The following AUTS2 variants were observed in gnomAD, a reference collection of about 807,000 sequenced individuals.
AUTS2 encodes activator of transcription and developmental regulator AUTS2, also known as autism susceptibility gene 2 protein.
In AUTS2, 17 loss-of-function variants were observed where a neutral mutation model predicts 112.4. The ratio of observed to expected loss-of-function variants is 0.15; its 90% CI spans 0.10 to 0.23. AUTS2 has a LOEUF of 0.23. Ranked by LOEUF, AUTS2 falls within the 10% of genes least tolerant of loss-of-function variation. The pLI, the probability that AUTS2 is intolerant of heterozygous loss-of-function variation, is 1.00. For synonymous variants in AUTS2, 751 were observed against 702.7 expected (o/e 1.07, Z -1.09); for missense variants, 1,510 against 1,701.6 (o/e 0.89, Z 1.98).
intron 10 of AUTS2, among the ~76,000 whole-genome samples, chr7:70,769,082 G>T (rs1288835608): frequency 6.6e-6 from 1 of 152,084 alleles, no homozygotes; most frequent in African/African-American, 2.4e-5. Flanking sequence ...CAAGAGGTTA[G>T]CTGAGAAGTC....
At chr7:69,941,579 A>AT (rs56227016) in intron 2 of AUTS2, among the ~76,000 whole-genome samples, 5,018 of 139,104 alleles carry the variant, frequency 0.036, 187 homozygotes, top group African/African-American at 0.099. Flanking sequence ...GACCTTCTAG[A>AT]TTTTTTTTTT....
At chr7:70,290,050 C>T (rs1055540980) in intron 4 of AUTS2, among the ~76,000 whole-genome samples, 13 of 152,006 alleles carry the variant, frequency 8.6e-5, no homozygotes, top group Admixed American at 2.0e-4. Flanking sequence ...TAAACTAAGA[C>T]GAGATTTCAG....
chr7:70,475,686 C>T (rs1376032427), intron 5 of AUTS2, among the ~76,000 whole-genome samples: 1 of 152,196 alleles, frequency 6.6e-6, no homozygotes, highest in Non-Finnish European at 1.5e-5. Flanking sequence ...ATAAATGAGA[C>T]ATCCTGCCCT....
intron 1 of AUTS2, among the ~76,000 whole-genome samples, chr7:69,728,496 CT>C (rs1458466252): frequency 1.3e-5 from 2 of 152,070 alleles, no homozygotes; most frequent in Non-Finnish European, 2.9e-5. Flanking sequence ...TTTTTTCTGT[CT>C]TTTTAATGTA....
At chr7:70,733,673 G>A (rs1298312412) in intron 6 of AUTS2, among the ~76,000 whole-genome samples, 6 of 151,964 alleles carry the variant, frequency 3.9e-5, no homozygotes, top group Admixed American at 6.6e-5. Context: ...TGCAACCTCC[G>A]CCTCCAGGGT....
intron 11 of AUTS2, 46 bp downstream of exon 11, chr7:70,771,690 C>T (rs556754247): frequency 6.4e-7 from 1 of 1,556,450 alleles, no homozygotes; most frequent in Non-Finnish European, 8.8e-7. Flanking sequence ...GTCTAAGTGG[C>T]GTCCCGGGCC....
intron 4 of AUTS2, among the ~76,000 whole-genome samples, chr7:70,396,632 T>A (rs1794096151): frequency 6.6e-6 from 1 of 152,176 alleles, no homozygotes; most frequent in Non-Finnish European, 1.5e-5. Context: ...CCACCTCAGA[T>A]GCCCAAAGTG....
intron 2 of AUTS2, among the ~76,000 whole-genome samples, chr7:70,003,172 TTATATGAATATATTA>T (rs1272283802): frequency 0.028 from 3,482 of 126,602 alleles, 168 homozygotes; most frequent in African/African-American, 0.057. Flanking sequence ...TTCATATATA[TTATATGAATATATTA>T]TATATGAATA....
At chr7:70,547,001 A>G (rs2129515931) in intron 5 of AUTS2, among the ~76,000 whole-genome samples, 1 of 152,318 alleles carries the variant, frequency 6.6e-6, no homozygotes, top group Non-Finnish European at 1.5e-5. Flanking sequence ...ACTTTATTCA[A>G]ATATAATCTA....
intron 2 of AUTS2, among the ~76,000 whole-genome samples, chr7:70,113,808 A>G (rs12698852): frequency 0.1 from 15,527 of 152,240 alleles, 848 homozygotes; most frequent in Admixed American, 0.13. Context: ...TCCAAGCTGA[A>G]AAGAATGGGA....
At chr7:69,680,443 T>A (rs569962517) in intron 1 of AUTS2, among the ~76,000 whole-genome samples, 6 of 152,070 alleles carry the variant, frequency 3.9e-5, no homozygotes, top group Admixed American at 3.9e-4. Flanking sequence ...TTGTTGTTTT[T>A]TATTGTGTTA....
intron 4 of AUTS2, chr7:70,194,538 G>A (rs1299975095): frequency 1.3e-5 from 2 of 152,148 alleles, no homozygotes; most frequent in Non-Finnish European, 2.9e-5. Flanking sequence ...CAGGAGTATT[G>A]GCCAGAGTTA....
chr7:70,383,526 A>G (rs1182347319), intron 4 of AUTS2, among the ~76,000 whole-genome samples: 1 of 152,236 alleles, frequency 6.6e-6, no homozygotes, highest in African/African-American at 2.4e-5. Flanking sequence ...CATTCATCAT[A>G]GCTTCTATCT....
intron 1 of AUTS2, among the ~76,000 whole-genome samples, chr7:69,778,794 G>A (rs1789011311): frequency 6.6e-6 from 1 of 152,110 alleles, no homozygotes; most frequent in Non-Finnish European, 1.5e-5. Flanking sequence ...GAGTGGGACT[G>A]AGGTGTGGGT....
chr7:69,911,223 A>G (rs543955616), intron 2 of AUTS2, among the ~76,000 whole-genome samples: 2 of 152,248 alleles, frequency 1.3e-5, no homozygotes, highest in African/African-American at 2.4e-5. Context: ...GTGGCTGGAC[A>G]AGATGTACTG....
Position 70,790,188 on chromosome 7 carries a change from A to C in AUTS2, c.2972A>C (p.Asp991Ala), listed in dbSNP as rs943242452. 2.7e-5 allele frequency: 44 copies of C among 1,612,066 alleles called. No homozygotes were observed. The highest frequency in any genetic ancestry group is 3.6e-5 in the Non-Finnish European group (43 of 1,179,696). The change falls in exon 19 of 19, where the codon GAC becomes GCC. Residue 991 changes from aspartate (D) to alanine (A), a missense_variant. Transcript: ENST00000342771. This position sits in a 1 kb window ranked among gnomAD's most constrained non-coding sequence, Gnocchi z 7.6. Reference protein sequence around the residue: ...KVKEERKEDHDLPPEAPQTHR... With the variant: ...KVKEERKEDHALPPEAPQTHR... The stretch of plus-strand genomic sequence containing the variant: ...AAGGAGGAGCGGAAGGAAGACCATG[A>C]CCTGCCTCCAGAGGCCCCGCAGACC...
intron 6 of AUTS2, among the ~76,000 whole-genome samples, chr7:70,714,148 C>T (rs73165373): frequency 0.11 from 16,343 of 152,176 alleles, 1,459 homozygotes; most frequent in East Asian, 0.44. Flanking sequence ...GAAATTGACA[C>T]ATGAAAGTGA....
At chr7:70,103,465 C>T (rs1377485770) in intron 2 of AUTS2, among the ~76,000 whole-genome samples, 2 of 152,012 alleles carry the variant, frequency 1.3e-5, no homozygotes, top group African/African-American at 4.8e-5. Flanking sequence ...CTAGGCTCAG[C>T]TTACCACCCA....
chr7:70,722,819 A>T (rs1290947089), intron 6 of AUTS2, among the ~76,000 whole-genome samples: 2 of 152,208 alleles, frequency 1.3e-5, no homozygotes, highest in African/African-American at 4.8e-5. Context: ...TGTATTTCAG[A>T]TTCAAACTGT....
Sources: gnomAD v4.1 joint callset for allele counts (sites outside exome capture counted in the v4.1 genomes callset) on GRCh38, gnomAD v4.1.1 for gene constraint, Gnocchi (gnomAD v3.1) non-coding constraint, MANE v1.5 for transcripts, NCBI Gene and HGNC (gene_info 2026-07-23, HGNC 2026-07-21) for gene names.